The following PSPC1 variants were observed in gnomAD, a reference collection of about 807,000 sequenced individuals.
PSPC1 encodes paraspeckle protein 1.
Under a neutral mutation model 51.6 loss-of-function variants are expected in PSPC1, and 14 were observed. The ratio of observed to expected loss-of-function variants is 0.27; its 90% CI spans 0.18 to 0.42. PSPC1 has a LOEUF of 0.42. Ranked by LOEUF, PSPC1 falls within the 10% of genes least tolerant of loss-of-function variation. PSPC1 has a pLI of 1.00. For synonymous variants in PSPC1, 193 were observed against 231.9 expected (o/e 0.83, Z 1.53); for missense variants, 406 against 701.1 (o/e 0.58, Z 4.75).
At chr13:19,774,915 C>T (rs181061157) in intron 1 of PSPC1, among the ~76,000 whole-genome samples, 2 of 151,938 alleles carry the variant, frequency 1.3e-5, no homozygotes, top group African/African-American at 4.8e-5. Context: ...GGGCTCACAC[C>T]TGTAATCCCA....
chr13:19,759,699 A>G (rs1268747726), intron 2 of PSPC1, among the ~76,000 whole-genome samples: 2 of 152,028 alleles, frequency 1.3e-5, no homozygotes, highest in Non-Finnish European at 2.9e-5. Context: ...CATCTCTAGT[A>G]AAAATACAAA....
chr13:19,740,034 C>T lies in PSPC1; in HGVS notation c.1052+1531G>A, dbSNP rs373626828. Among the ~76,000 whole-genome samples the T allele has an allele frequency of 3.3e-5, 5 of 151,940 alleles. No individual in the cohort carries two copies. In the East Asian group the frequency reaches 9.7e-4, roughly 30 times the overall value. On this transcript the variant is annotated intron_variant, in intron 5 of 8. Coordinates refer to ENST00000338910, the MANE Select transcript of PSPC1 (RefSeq NM_001354909.2). ...AGGTGAAATGTTAATGCTGTCTGTC[C>T]AGGGAATATGATTTAAGAATGAATT...
chr13:19,758,040 TGCGGTG>T (rs1008405516), intron 3 of PSPC1, among the ~76,000 whole-genome samples: 24 of 151,836 alleles, frequency 1.6e-4, no homozygotes, highest in African/African-American at 5.3e-4. Context: ...CTCGGCTGGG[TGCGGTG>T]GCTCACGCCT....
chr13:19,710,776 T>A (rs1194308764), intron 6 of PSPC1, among the ~76,000 whole-genome samples: 2 of 152,108 alleles, frequency 1.3e-5, no homozygotes. Context: ...AACACCATCA[T>A]GAAGAGATAA....
chr13:19,782,410 G>C lies in PSPC1; in HGVS notation c.348C>G (p.Asp116Glu), dbSNP rs1208385505. 6.3e-7 allele frequency: 1 copy of C among 1,599,702 alleles called. No homozygotes were observed. The highest frequency in any genetic ancestry group is 1.4e-5 in the African/African-American group (1 of 73,304). The change falls in exon 1 of 9, where the codon GAC becomes GAG. Residue 116 changes from aspartate (D) to glutamate (E), a missense_variant. Physicochemically the swap from Asp to Glu is conservative, Grantham distance 45 (BLOSUM62 2). Coordinates refer to ENST00000338910, the MANE Select transcript of PSPC1 (RefSeq NM_001354909.2). This position sits in a 1 kb window ranked among gnomAD's most constrained non-coding sequence, Gnocchi z 4.5. The stretch of plus-strand genomic sequence containing the variant: ...CCAAGCGGATGAAGCCGAAGCCACG[G>C]TCCCGGTTGATGAAGACTTCGCTGG... ...GEPSEVFINR[D>E]RGFGFIRLES...
intron 6 of PSPC1, among the ~76,000 whole-genome samples, chr13:19,725,311 C>T (rs944353209): frequency 6.6e-6 from 1 of 152,182 alleles, no homozygotes; most frequent in Non-Finnish European, 1.5e-5. Context: ...AATTTGGATT[C>T]CTCAGGAATC....
At chr13:19,739,337 G>T (rs1403819439) in intron 5 of PSPC1, among the ~76,000 whole-genome samples, 25 of 152,120 alleles carry the variant, frequency 1.6e-4, no homozygotes, top group Non-Finnish European at 8.8e-5. Flanking sequence ...GCTTACATGA[G>T]GGGTAGGTAT....
chr13:19,782,470 C>A lies in PSPC1; in HGVS notation c.288G>T (p.Glu96Asp), dbSNP rs1430564594. 2 of 1,612,666 alleles carry A rather than the reference C, an allele frequency of 1.2e-6. No individual in the cohort carries two copies. Among genetic ancestry groups the A allele is most frequent in the Non-Finnish European group, 1.7e-6 (2 of 1,179,364 alleles). ...VGNLPTDITE[E>D]DFKRLFERYG... Reference sequence around the variant, plus strand: ...AGCGTTCGAAGAGCCTCTTGAAGTCCTCCTCCGTGATGTCGGTGGGCAGAT... The same window carrying A: ...AGCGTTCGAAGAGCCTCTTGAAGTCATCCTCCGTGATGTCGGTGGGCAGAT... The change falls in exon 1 of 9, where the codon GAG (glutamate) becomes GAT (aspartate). Residue 96 changes from glutamate (E) to aspartate (D), a missense_variant. Transcript: ENST00000338910. This position sits in a 1 kb window ranked among gnomAD's most constrained non-coding sequence, Gnocchi z 4.5.
At chr13:19,738,436 AAAGCAT>A (rs1885076374) in intron 5 of PSPC1, among the ~76,000 whole-genome samples, 1 of 152,174 alleles carries the variant, frequency 6.6e-6, no homozygotes, top group Non-Finnish European at 1.5e-5. Flanking sequence ...TACACACTTA[AAAGCAT>A]CTCTACTTAT....
intron 4 of PSPC1, among the ~76,000 whole-genome samples, chr13:19,747,042 A>AGGTT (rs1489084180): frequency 6.6e-6 from 1 of 152,148 alleles, no homozygotes; most frequent in Non-Finnish European, 1.5e-5. Context: ...CAGGAGGTGG[A>AGGTT]GGTTGCAGTA....
At chr13:19,701,625 G>A (rs1189719984), downstream of PSPC1, among the ~76,000 whole-genome samples, 1 of 152,162 alleles carries the variant, frequency 6.6e-6, no homozygotes, top group African/African-American at 2.4e-5. Flanking sequence ...ATTTTAATTA[G>A]TATAAAAGAA....
At chr13:19,727,101 A>C (rs1883442359) in intron 6 of PSPC1, among the ~76,000 whole-genome samples, 1 of 152,208 alleles carries the variant, frequency 6.6e-6, no homozygotes, top group Admixed American at 6.5e-5. Flanking sequence ...TACAAGAAAA[A>C]GAAACTTCTC....
At chr13:19,674,131 C>T (rs1473891326), downstream of PSPC1, among the ~76,000 whole-genome samples, 1 of 152,208 alleles carries the variant, frequency 6.6e-6, no homozygotes, top group East Asian at 1.9e-4. Flanking sequence ...TATTCCTTTC[C>T]ACTGTCTACT....
chr13:19,756,333 C>T (rs1324731088), intron 3 of PSPC1, among the ~76,000 whole-genome samples: 2 of 152,106 alleles, frequency 1.3e-5, no homozygotes, highest in Non-Finnish European at 2.9e-5. Flanking sequence ...TCGCTCCTTC[C>T]TTGCTTTGAG....
At chr13:19,745,317 A>AAATT (rs910191619) in intron 4 of PSPC1, among the ~76,000 whole-genome samples, 7 of 152,268 alleles carry the variant, frequency 4.6e-5, no homozygotes, top group Admixed American at 1.3e-4. Context: ...AGACTGTCTC[A>AAATT]AATTAATTAA....
At chr13:19,691,588 C>T (rs903106471) in intron 6 of PSPC1, among the ~76,000 whole-genome samples, 2 of 151,900 alleles carry the variant, frequency 1.3e-5, no homozygotes, top group Admixed American at 1.3e-4. Flanking sequence ...AATGAAAAGA[C>T]TTGATGGGAA....
At chr13:19,754,929 C>T (rs1207546014) in intron 3 of PSPC1, among the ~76,000 whole-genome samples, 1 of 151,964 alleles carries the variant, frequency 6.6e-6, no homozygotes, top group Non-Finnish European at 1.5e-5. Context: ...TCACAGGAAC[C>T]CTTTAAAAAA....
intron 1 of PSPC1, 59 bp from the exon 2 acceptor site, chr13:19,772,602 G>C (rs759674486): frequency 2.5e-5 from 37 of 1,504,752 alleles, no homozygotes; most frequent in Middle Eastern, 2.5e-4. Context: ...ATTCAAAACA[G>C]TGTTTGGCTT....
intron 6 of PSPC1, among the ~76,000 whole-genome samples, chr13:19,712,120 C>T (rs1042024186): frequency 1.2e-4 from 19 of 152,098 alleles, no homozygotes; most frequent in African/African-American, 3.9e-4. Flanking sequence ...GTAGACATTT[C>T]GTTGTTCAGA....
Sources: allele counts gnomAD v4.1 joint callset (sites outside exome capture counted in the v4.1 genomes callset), GRCh38; gene constraint gnomAD v4.1.1; non-coding constraint Gnocchi (gnomAD v3.1); transcripts MANE v1.5; gene names NCBI Gene and HGNC (gene_info 2026-07-23, HGNC 2026-07-21).